Variants in RASA2 observed in about 807,000 individuals in gnomAD.
The protein encoded by RASA2 is ras GTPase-activating protein 2.
Under a neutral mutation model 118.2 loss-of-function variants are expected in RASA2, and 155 were observed. That is an observed-to-expected ratio of 1.31 (90% confidence interval 1.15 to 1.50). The LOEUF is 1.50. RASA2 is among the 40% of genes most tolerant of loss of function. The probability of loss-of-function intolerance (pLI) is 0.00; values close to 1 mark genes in which losing one functional copy is unlikely to be tolerated. For missense variants in RASA2, 1,016 were observed against 1,009.6 expected, an observed-to-expected ratio of 1.01 and a Z score of -0.09; for synonymous variants, 353 against 349.1, an observed-to-expected ratio of 1.01 and a Z score of -0.12.
At chr3:141,521,255 G>T (rs2082107408) in intron 3 of RASA2, among the ~76,000 whole-genome samples, 1 of 152,162 alleles carries the variant, frequency 6.6e-6, no homozygotes, top group South Asian at 2.1e-4. Flanking sequence ...TGGATAAGGA[G>T]GGTTTCAGGG....
chr3:141,511,783 G>A lies in RASA2; in HGVS notation c.134-380G>A, dbSNP rs534043577. Reference sequence around the variant, plus strand: ...TTTAAGTTGAGAAATTCCCATCATCGTTTATATGCTGATGGGAATGATCGC... The same window carrying A: ...TTTAAGTTGAGAAATTCCCATCATCATTTATATGCTGATGGGAATGATCGC... On this transcript the variant is annotated intron_variant, in intron 1 of 23. Transcript: ENST00000286364. Among the ~76,000 whole-genome samples the A allele has an allele frequency of 9.9e-5, 15 of 152,004 alleles. No homozygotes were observed. In the South Asian group the frequency reaches 1.7e-3, roughly 17 times the overall value.
chr3:141,551,044 TGTC>T (rs1334655703), intron 5 of RASA2, among the ~76,000 whole-genome samples: 2 of 152,246 alleles, frequency 1.3e-5, no homozygotes, highest in African/African-American at 4.8e-5. Context: ...CTGTCTTCTT[TGTC>T]ATTTCTGATT....
intron 1 of RASA2, among the ~76,000 whole-genome samples, chr3:141,503,435 T>G (rs1018202971): frequency 6.6e-6 from 1 of 152,250 alleles, no homozygotes; most frequent in African/African-American, 2.4e-5. Context: ...ATCATTGATC[T>G]TGTACATAGA....
intron 5 of RASA2, among the ~76,000 whole-genome samples, chr3:141,542,627 C>T (rs1382133554): frequency 1.3e-5 from 2 of 152,014 alleles, no homozygotes; most frequent in Admixed American, 6.6e-5. Flanking sequence ...GACTATAGCA[C>T]AATACCAAAA....
intron 19 of RASA2, among the ~76,000 whole-genome samples, chr3:141,587,938 A>G (rs2083231638): frequency 2.6e-5 from 4 of 152,134 alleles, no homozygotes; most frequent in Admixed American, 1.3e-4. Context: ...ATCTTAATTT[A>G]TGTATTTGTT....
At position 141,609,475 on chromosome 3, in the gene RASA2, AT is replaced by A; in HGVS notation, c.2284del (p.Tyr762IlefsTer38). 6.2e-7 allele frequency: 1 copy of A among 1,606,106 alleles called. No homozygotes were observed. The highest frequency in any genetic ancestry group is 8.5e-7 in the Non-Finnish European group (1 of 1,174,252). ...TGATGAAGACAGAGAAACAGAAAGA[AT>A]TTATTCCCTTTTTACCCTCAGTTTA... The part of the protein sequence containing the change: ...DIDEDRETER[I>X]YSLFTLSLLK... On this transcript the variant is annotated frameshift_variant, in exon 22 of 24. Coordinates refer to ENST00000286364, the MANE Select transcript of RASA2 (RefSeq NM_006506.5). LOFTEE classifies it high-confidence loss of function.
At chr3:141,523,074 T>C (rs114928278) in intron 3 of RASA2, among the ~76,000 whole-genome samples, 1 of 152,244 alleles carries the variant, frequency 6.6e-6, no homozygotes, top group Non-Finnish European at 1.5e-5. Context: ...CTCTGCTTCT[T>C]ATGTATGGAT....
chr3:141,508,378 G>GTT, intron 1 of RASA2, among the ~76,000 whole-genome samples: 2 of 148,638 alleles, frequency 1.3e-5, no homozygotes, highest in South Asian at 4.3e-4. Flanking sequence ...GGTTTTTTGG[G>GTT]TTTTTTTTTT....
chr3:141,606,286 G>T (rs906952565), intron 19 of RASA2, among the ~76,000 whole-genome samples: 2 of 152,090 alleles, frequency 1.3e-5, no homozygotes, highest in Non-Finnish European at 2.9e-5. Context: ...AATCTCGTCT[G>T]ATTCTAGGAG....
chr3:141,546,975 T>C (rs1227126341), intron 5 of RASA2, among the ~76,000 whole-genome samples: 3 of 152,230 alleles, frequency 2.0e-5, no homozygotes, highest in Non-Finnish European at 4.4e-5. Context: ...CAGTGTATGT[T>C]CTTGGCACCT....
At chr3:141,608,779 G>T (rs1256808866) in intron 21 of RASA2, 82 bp downstream of exon 21, 5 of 1,415,532 alleles carry the variant, frequency 3.5e-6, no homozygotes, top group Non-Finnish European at 4.9e-6. Context: ...TCCATGAAAA[G>T]GAATGACATA....
chr3:141,592,507 A>G (rs1361376084), intron 19 of RASA2, among the ~76,000 whole-genome samples: 2 of 151,524 alleles, frequency 1.3e-5, no homozygotes, highest in Non-Finnish European at 2.9e-5. Flanking sequence ...AAGCAGAAGA[A>G]TAACATTGTT....
chr3:141,500,910 A>G (rs1288519750), intron 1 of RASA2, among the ~76,000 whole-genome samples: 3 of 152,096 alleles, frequency 2.0e-5, no homozygotes, highest in Admixed American at 2.0e-4. Context: ...TAGAGAACCT[A>G]GAAGATTAAC....
rs909330260 is a variant in RASA2, at chr3:141,570,110, C to G, written c.864-802C>G. Among the ~76,000 whole-genome samples, 8 of 123,154 alleles carry G rather than the reference C, an allele frequency of 6.5e-5. No homozygotes were observed. The South Asian group carries it at 1.7e-3, about 27-fold the overall frequency. 80.8% of individuals were successfully genotyped at this position (123,154 alleles called of 152,430 possible). A position where few individuals can be genotyped will look rare whatever the true frequency, so the allele number is the denominator to read the frequency against. ...AGCTTTTTTTTTTTTTTTTTAAACT[C>G]TTAGATTTCTGGTTTTGGTCCTGCA... is the stretch of plus-strand genomic sequence containing the variant. On this transcript the variant is annotated intron_variant, in intron 9 of 23. Transcript: ENST00000286364.
At chr3:141,589,043 T>C (rs2083248988) in intron 19 of RASA2, among the ~76,000 whole-genome samples, 1 of 152,136 alleles carries the variant, frequency 6.6e-6, no homozygotes, top group African/African-American at 2.4e-5. Flanking sequence ...GGTTTCACCA[T>C]GTTGGCCAGG....
At chr3:141,587,004 A>T (rs1479855971) in intron 19 of RASA2, 4 of 476,750 alleles carry the variant, frequency 8.4e-6, no homozygotes, top group Non-Finnish European at 1.5e-5. Flanking sequence ...CTAAAAATCC[A>T]TAGTAATCCA....
At chr3:141,581,450 A>T (rs191033820) in intron 17 of RASA2, among the ~76,000 whole-genome samples, 148 of 152,316 alleles carry the variant, frequency 9.7e-4, no homozygotes, top group Admixed American at 1.6e-3. Context: ...AAGTGACACT[A>T]TTGGCATTTG....
chr3:141,531,106 G>A (rs1467174784), intron 4 of RASA2, among the ~76,000 whole-genome samples: 1 of 151,986 alleles, frequency 6.6e-6, no homozygotes, highest in African/African-American at 2.4e-5. Context: ...CAGTCAGTCT[G>A]GTGGCTATTT....
intron 15 of RASA2, among the ~76,000 whole-genome samples, chr3:141,577,989 C>T (rs2083040554): frequency 6.6e-6 from 1 of 152,046 alleles, no homozygotes; most frequent in African/African-American, 2.4e-5. Context: ...CTTTTATGTT[C>T]CAAATACTTT....
Sources: gnomAD v4.1 joint callset for allele counts (sites outside exome capture counted in the v4.1 genomes callset) on GRCh38, gnomAD v4.1.1 for gene constraint, MANE v1.5 for transcripts, NCBI Gene and HGNC (gene_info 2026-07-23, HGNC 2026-07-21) for gene names.